Variants in FAM120A observed in about 807,000 individuals in gnomAD.
FAM120A encodes family with sequence similarity 120 member A, also known as constitutive coactivator of PPAR-gamma-like protein 1.
FAM120A carries 15 observed loss-of-function variants against 109.7 expected under a neutral mutation model. The ratio of observed to expected loss-of-function variants is 0.14; its 90% CI spans 0.09 to 0.21. The LOEUF (loss-of-function observed/expected upper bound fraction) is 0.21, where lower values mean the gene tolerates loss of function less well. Ranked by LOEUF, FAM120A falls within the 10% of genes least tolerant of loss-of-function variation. FAM120A has a pLI of 1.00. For synonymous variants in FAM120A, 493 were observed against 572.8 expected (o/e 0.86, Z 1.99); for missense variants, 899 against 1,439.3 (o/e 0.62, Z 6.07).
chr9:93,501,741 G>A (rs1017083638), intron 5 of FAM120A, among the ~76,000 whole-genome samples: 3 of 152,170 alleles, frequency 2.0e-5, no homozygotes, highest in Non-Finnish European at 4.4e-5. Flanking sequence ...CCTGGAGAGA[G>A]GCTTCAGGCA....
chr9:93,558,761 C>G (rs1002610256), intron 15 of FAM120A, 43 bp downstream of exon 15: 1 of 1,604,228 alleles, frequency 6.2e-7, no homozygotes. Context: ...CCTGCCAGCA[C>G]TTCCTTCGCT....
intron 11 of FAM120A, among the ~76,000 whole-genome samples, chr9:93,543,873 T>C (rs1861793708): frequency 6.6e-6 from 1 of 152,222 alleles, no homozygotes; most frequent in Non-Finnish European, 1.5e-5. Flanking sequence ...AGTCACACAT[T>C]GCTTAATGAT....
At chr9:93,511,371 A>G (rs1253160452) in intron 5 of FAM120A, among the ~76,000 whole-genome samples, 1 of 152,072 alleles carries the variant, frequency 6.6e-6, no homozygotes, top group African/African-American at 2.4e-5. Context: ...AGCTCTTGGG[A>G]GTTGCTCCTC....
rs773193469 is a variant in FAM120A at position 93,452,578 on chromosome 9, C to A, written c.474+189C>A. On this transcript the variant is annotated intron_variant, in intron 1 of 17. Coordinates refer to ENST00000277165, the MANE Select transcript of FAM120A (RefSeq NM_014612.5). The surrounding 1 kb of genome is among the most constrained non-coding windows in gnomAD (Gnocchi z 7.0). ...GCCGCGGGTGCAGGCCGCGCGCTGC[C>A]CAAGCCCGTCTCCAGCTGTCCCTGT... is the stretch of plus-strand genomic sequence containing the variant. 1 of 1,595,750 alleles carries A rather than the reference C, an allele frequency of 6.3e-7. No homozygotes were observed. The highest frequency in any genetic ancestry group is 1.7e-5 in the Admixed American group (1 of 59,330).
intron 5 of FAM120A, among the ~76,000 whole-genome samples, chr9:93,509,774 T>G (rs576800268): frequency 6.6e-6 from 1 of 152,296 alleles, no homozygotes; most frequent in South Asian, 2.1e-4. Flanking sequence ...CGTACCTACT[T>G]CAGGTTATAC....
At chr9:93,554,931 G>A (rs759245623) in intron 12 of FAM120A, among the ~76,000 whole-genome samples, 2 of 152,212 alleles carry the variant, frequency 1.3e-5, no homozygotes, top group Non-Finnish European at 2.9e-5. Flanking sequence ...AGTGCAAGGG[G>A]CCAGGAGATG....
Position 93,500,155 on chromosome 9 carries a change from C to T in FAM120A, c.1030+1269C>T, listed in dbSNP as rs60610533. ...CCCCTGCAATCCATTTTCTTCCCAGCAGCCAAAGTAATGTTTAAAAATGGC... is the reference window on the plus strand; with the variant it reads ...CCCCTGCAATCCATTTTCTTCCCAGTAGCCAAAGTAATGTTTAAAAATGGC... On this transcript the variant is annotated intron_variant, in intron 5 of 17. Transcript: ENST00000277165. This position sits in a 1 kb window ranked among gnomAD's most constrained non-coding sequence, Gnocchi z 4.6. Among the ~76,000 whole-genome samples, 1,104 of 152,350 alleles carry T rather than the reference C, an allele frequency of 7.2e-3. 38 individuals are homozygous for T. The highest frequency in any genetic ancestry group is 0.051 in the Admixed American group (774 of 15,306).
rs143518469 is a variant in FAM120A, at chr9:93,534,279, T to G, written c.1909+1950T>G. 3.9e-3 allele frequency among the ~76,000 whole-genome samples: 599 copies of G among 152,162 alleles called. 4 individuals are homozygous for G. The highest frequency in any genetic ancestry group is 6.8e-3 in the Non-Finnish European group (460 of 67,982). On this transcript the variant is annotated intron_variant, in intron 10 of 17. Transcript: ENST00000277165. ...TGGGGGACAGGAGGGGAGGTGGGGA[T>G]TGTGGAAGCCAGGGCAGGCCACAGC...
intron 1 of FAM120A, among the ~76,000 whole-genome samples, chr9:93,458,041 C>T (rs1857629521): frequency 6.6e-6 from 1 of 152,126 alleles, no homozygotes. Flanking sequence ...TTTGACATCT[C>T]ACCATTTCCA....
intron 5 of FAM120A, among the ~76,000 whole-genome samples, chr9:93,515,243 T>C (rs1457160264): frequency 6.6e-6 from 1 of 152,298 alleles, no homozygotes; most frequent in East Asian, 1.9e-4. Context: ...TAAAGGAAAC[T>C]GTTCGGTCCG....
chr9:93,496,748 C>G (rs2131346267), intron 3 of FAM120A, among the ~76,000 whole-genome samples: 1 of 152,362 alleles, frequency 6.6e-6, no homozygotes, highest in South Asian at 2.1e-4. Flanking sequence ...AGGATGTGGA[C>G]AGCTTTGGGA....
chr9:93,487,739 T>G (rs1477328384), intron 3 of FAM120A, among the ~76,000 whole-genome samples: 1 of 152,230 alleles, frequency 6.6e-6, no homozygotes, highest in Non-Finnish European at 1.5e-5. Context: ...TTTTCTTGAT[T>G]GTGATAGTAG....
intron 7 of FAM120A, among the ~76,000 whole-genome samples, chr9:93,526,090 C>T (rs1861069217): frequency 6.6e-6 from 1 of 152,214 alleles, no homozygotes; most frequent in Non-Finnish European, 1.5e-5. Context: ...CTGGCATGTC[C>T]TATGGCCAGC....
Position 93,564,479 on chromosome 9 carries a change from C to T in FAM120A, c.3296C>T (p.Thr1099Ile). The T allele has an allele frequency of 6.2e-7, 1 of 1,614,080 alleles. No homozygotes were observed. The highest frequency in any genetic ancestry group is 8.5e-7 in the Non-Finnish European group (1 of 1,179,922). Residue 1099 changes from threonine (T) to isoleucine (I), a missense_variant, in exon 18 of 18, where the codon ACA becomes ATA. By Grantham distance (89) the Thr-to-Ile change is moderately conservative. Transcript: ENST00000277165. ...NTNPHLNALS[T>I]DSACRREAAL... is the part of the protein sequence containing the mutation. Reference sequence around the variant, plus strand: ...AATCCTCATTTAAATGCACTAAGTACAGACAGCGCTTGCCGCAGAGAAGCT... The same window carrying T: ...AATCCTCATTTAAATGCACTAAGTATAGACAGCGCTTGCCGCAGAGAAGCT...
chr9:93,543,505 C>T (rs936247498), intron 11 of FAM120A, 34 bp downstream of exon 11: 3 of 1,604,090 alleles, frequency 1.9e-6, no homozygotes, highest in Admixed American at 3.4e-5. Context: ...GGACCTGGGT[C>T]CCCGCCAGGT....
chr9:93,547,528 AG>A (rs768632930), intron 11 of FAM120A, among the ~76,000 whole-genome samples: 3 of 152,136 alleles, frequency 2.0e-5, no homozygotes, highest in Non-Finnish European at 4.4e-5. Flanking sequence ...CAGCCTTAGG[AG>A]GGCTCCAGAA....
intron 10 of FAM120A, among the ~76,000 whole-genome samples, chr9:93,542,269 G>A (rs1861729639): frequency 6.6e-6 from 1 of 152,142 alleles, no homozygotes; most frequent in Admixed American, 6.5e-5. Context: ...CTTTGGTTCT[G>A]GTGTTTATTC....
chr9:93,543,964 G>T (rs994475640), intron 11 of FAM120A, among the ~76,000 whole-genome samples: 46 of 152,160 alleles, frequency 3.0e-4, no homozygotes, highest in Non-Finnish European at 7.3e-5. Context: ...AACACGGCGA[G>T]TATTTGTGTA....
chr9:93,549,452 A>G (rs1362335469), intron 11 of FAM120A, among the ~76,000 whole-genome samples: 1 of 152,210 alleles, frequency 6.6e-6, no homozygotes, highest in South Asian at 2.1e-4. Context: ...TAAACTTTCT[A>G]CTTTGGGCTT....
Sources: allele counts gnomAD v4.1 joint callset (sites outside exome capture counted in the v4.1 genomes callset), GRCh38; gene constraint gnomAD v4.1.1; non-coding constraint Gnocchi (gnomAD v3.1); transcripts MANE v1.5; gene names NCBI Gene and HGNC (gene_info 2026-07-23, HGNC 2026-07-21).